TSPAN14: variants seen among roughly 807,000 people sequenced by gnomAD.
The protein encoded by TSPAN14 is tetraspanin 14.
Under a neutral mutation model 36.6 loss-of-function variants are expected in TSPAN14, and 16 were observed. That is an observed-to-expected ratio of 0.44 (90% CI 0.30 to 0.66). The LOEUF (loss-of-function observed/expected upper bound fraction) is 0.66, where lower values mean the gene tolerates loss of function less well. Among genes scored for constraint, TSPAN14 ranks in the 30% least tolerant of loss-of-function variants. The pLI, the probability that TSPAN14 is intolerant of heterozygous loss-of-function variation, is 0.12. For missense variants in TSPAN14, 231 were observed against 355.1 expected (o/e 0.65, Z 2.81); for synonymous variants, 139 against 143.8 (o/e 0.97, Z 0.24).
At chr10:80,489,395 C>A in intron 2 of TSPAN14, 81 bp downstream of exon 2, 1 of 1,012,718 alleles carries the variant, frequency 9.9e-7, no homozygotes, top group Non-Finnish European at 1.5e-6. Flanking sequence ...TCTTGATTTG[C>A]CAGACACTAT....
exon 9 of TSPAN14, chr10:80,520,666 C>G: frequency 1.9e-6 from 1 of 533,444 alleles, no homozygotes; most frequent in Non-Finnish European, 3.8e-6. Context: ...CCTTTCCCAT[C>G]CTAAAAACTT....
intron 7 of TSPAN14, 67 bp downstream of exon 7, chr10:80,514,130 G>T: frequency 6.9e-7 from 1 of 1,444,424 alleles, no homozygotes; most frequent in South Asian, 1.2e-5. Context: ...TCAACATTCT[G>T]ATTTAGCACG....
At chr10:80,511,711 C>CCTCTCTCTCTCT (rs56307745) in intron 5 of TSPAN14, among the ~76,000 whole-genome samples, 1 of 25,812 alleles carries the variant, frequency 3.9e-5, no homozygotes, top group Non-Finnish European at 7.3e-5. Context: ...AAGGGCAGGT[C>CCTCTCTCTCTCT]CTCTCTCTCT....
chr10:80,461,667 G>T (rs1845975673), intron 1 of TSPAN14, among the ~76,000 whole-genome samples: 1 of 152,158 alleles, frequency 6.6e-6, no homozygotes, highest in East Asian at 1.9e-4. Flanking sequence ...CCCCTCCATG[G>T]CATGACTGAT....
At chr10:80,493,665 A>G (rs1249418517) in intron 2 of TSPAN14, among the ~76,000 whole-genome samples, 1 of 152,272 alleles carries the variant, frequency 6.6e-6, no homozygotes, top group Admixed American at 6.5e-5. Flanking sequence ...CAAACACTGT[A>G]TAATTCCACT....
intron 1 of TSPAN14, among the ~76,000 whole-genome samples, chr10:80,486,102 G>A (rs1847581553): frequency 2.0e-5 from 3 of 152,230 alleles, no homozygotes; most frequent in South Asian, 2.1e-4. Flanking sequence ...AGTTTAGGAC[G>A]TGGCTGTGAG....
intron 1 of TSPAN14, 73 bp from the exon 2 acceptor site, chr10:80,489,144 G>T (rs142892749): frequency 7.2e-6 from 7 of 972,200 alleles, no homozygotes; most frequent in Non-Finnish European, 1.1e-5. Flanking sequence ...TCTAGAATCC[G>T]CATATGAGCT....
chr10:80,498,416 G>T (rs1848313178), intron 2 of TSPAN14, among the ~76,000 whole-genome samples: 2 of 152,264 alleles, frequency 1.3e-5, no homozygotes, highest in South Asian at 4.1e-4. Flanking sequence ...CTGAGACTCA[G>T]TCCTGGCTTC....
chr10:80,463,360 A>T (rs185600890), intron 1 of TSPAN14, among the ~76,000 whole-genome samples: 16 of 152,300 alleles, frequency 1.1e-4, no homozygotes, highest in Admixed American at 7.8e-4. Flanking sequence ...ACAAAGATAC[A>T]CGGTGAAAAC....
chr10:80,492,474 G>T (rs923512327), intron 2 of TSPAN14, among the ~76,000 whole-genome samples: 1 of 152,158 alleles, frequency 6.6e-6, no homozygotes, highest in African/African-American at 2.4e-5. Context: ...CCAATCCTAG[G>T]TGTTGGGACA....
chr10:80,508,749 A>C (rs1364204577), intron 4 of TSPAN14, among the ~76,000 whole-genome samples: 1 of 152,198 alleles, frequency 6.6e-6, no homozygotes, highest in Non-Finnish European at 1.5e-5. Flanking sequence ...ATGTGACCTC[A>C]GGCAAGCTAT....
Position 80,509,666 on chromosome 10 carries a change from A to T in TSPAN14, c.450+195A>T, listed in dbSNP as rs1840505706. On this transcript the variant is annotated intron_variant, in intron 5 of 8. Coordinates refer to ENST00000429989, the Ensembl canonical transcript of TSPAN14. This position sits in a 1 kb window ranked among gnomAD's most constrained non-coding sequence, Gnocchi z 4.7. ...CCGGCTTGTGGTTGCCTGGTGGGCC[A>T]GCCCTTTCCCATTGGGATTGGGCAG... The T allele has an allele frequency of 3.2e-6, 2 of 615,446 alleles. No individual in the cohort carries two copies. Among genetic ancestry groups the T allele is most frequent in the Non-Finnish European group, 5.5e-6 (2 of 363,042 alleles). The allele number at this position is 615,446 out of a possible 1,614,324, so 38.1% of individuals were successfully genotyped here. A position where few individuals can be genotyped will look rare whatever the true frequency, so the allele number is the denominator to read the frequency against.
intron 1 of TSPAN14, among the ~76,000 whole-genome samples, chr10:80,464,420 G>A (rs1293490228): frequency 1.3e-5 from 2 of 152,212 alleles, no homozygotes; most frequent in African/African-American, 4.8e-5. Context: ...TGGGGAAGGA[G>A]GGACAGTCGT....
intron 1 of TSPAN14, among the ~76,000 whole-genome samples, chr10:80,458,155 C>G (rs1473549213): frequency 6.6e-6 from 1 of 152,190 alleles, no homozygotes; most frequent in Non-Finnish European, 1.5e-5. Context: ...GGTAGCGATA[C>G]CCAGGCAGGC....
In TSPAN14 at chr10:80,509,275, T is replaced by TCTG; in HGVS notation, c.280-23_280-21dup. The TCTG allele has an allele frequency of 6.2e-7, 1 of 1,606,792 alleles. No homozygotes were observed. The highest frequency in any genetic ancestry group is 8.5e-7 in the Non-Finnish European group (1 of 1,176,498). On this transcript the variant is annotated intron_variant, in intron 4 of 8. Transcript: ENST00000429989. The surrounding 1 kb of genome is among the most constrained non-coding windows in gnomAD (Gnocchi z 4.7). ...GGTGCAGGCTGGTGGGGTGGTGACTTCTGCTCCCGTCCCCTTCCCCTGCAG... is the reference window on the plus strand; with the variant it reads ...GGTGCAGGCTGGTGGGGTGGTGACTTCTGCTGCTCCCGTCCCCTTCCCCTGCAG...
chr10:80,493,101 G>GT (rs1031234975), intron 2 of TSPAN14, among the ~76,000 whole-genome samples: 2 of 152,178 alleles, frequency 1.3e-5, no homozygotes, highest in East Asian at 3.9e-4. Context: ...GAGCGCTAGT[G>GT]TTTTTTACTT....
chr10:80,512,335 C>T, intron 6 of TSPAN14, 66 bp downstream of exon 6: 1 of 1,592,904 alleles, frequency 6.3e-7, no homozygotes, highest in Non-Finnish European at 8.5e-7. Context: ...TTTCCTGACT[C>T]CTCCAGTGCT....
chr10:80,519,884 G>A (rs1345341455), exon 9 of TSPAN14: 1 of 151,458 alleles, frequency 6.6e-6, no homozygotes, highest in African/African-American at 2.4e-5. Flanking sequence ...TTGGCTTGTG[G>A]TTTATCCCCC....
intron 1 of TSPAN14, among the ~76,000 whole-genome samples, chr10:80,468,036 G>C (rs1244508669): frequency 1.3e-5 from 2 of 152,146 alleles, no homozygotes; most frequent in Non-Finnish European, 2.9e-5. Flanking sequence ...CTCTTCTTTG[G>C]GGGTGGAGAC....
Sources: gnomAD v4.1 joint callset for allele counts (sites outside exome capture counted in the v4.1 genomes callset) on GRCh38, gnomAD v4.1.1 for gene constraint, Gnocchi (gnomAD v3.1) non-coding constraint, MANE v1.5 for transcripts, NCBI Gene and HGNC (gene_info 2026-07-23, HGNC 2026-07-21) for gene names.